The following CPA6 variants were observed in gnomAD, a reference collection of about 807,000 sequenced individuals.
CPA6 encodes the protein carboxypeptidase A6, also known as carboxypeptidase B.
Under a neutral mutation model 63.3 loss-of-function variants are expected in CPA6, and 58 were observed. That is an observed-to-expected ratio of 0.92 (90% CI 0.74 to 1.14). The LOEUF (loss-of-function observed/expected upper bound fraction) is 1.14. Among genes scored for constraint, CPA6 ranks in the 50% most tolerant of loss-of-function variants. CPA6 has a pLI of 0.00. For missense variants in CPA6, 565 were observed against 526.6 expected (o/e 1.07, Z -0.71); for synonymous variants, 185 against 179.0 (o/e 1.03, Z -0.27).
chr8:67,692,069 G>A (rs762313560), intron 1 of CPA6, among the ~76,000 whole-genome samples: 1 of 152,156 alleles, frequency 6.6e-6, no homozygotes, highest in Non-Finnish European at 1.5e-5. Flanking sequence ...GGGTATGGTG[G>A]TTCAAGCCTG....
At chr8:67,666,843 A>G (rs76699842) in intron 1 of CPA6, among the ~76,000 whole-genome samples, 1,787 of 152,234 alleles carry the variant, frequency 0.012, 30 homozygotes, top group African/African-American at 0.039. Context: ...GACACTCTCG[A>G]TCATTCTTGA....
chr8:67,535,355 C>T (rs574441156), intron 2 of CPA6, among the ~76,000 whole-genome samples: 142 of 152,304 alleles, frequency 9.3e-4, no homozygotes, highest in Non-Finnish European at 1.5e-3. Context: ...TCTCCACATC[C>T]TCTCCAGCAT....
At chr8:67,591,516 G>A (rs1357904600) in intron 2 of CPA6, among the ~76,000 whole-genome samples, 2 of 152,148 alleles carry the variant, frequency 1.3e-5, no homozygotes, top group East Asian at 3.8e-4. Flanking sequence ...TCCTACCCAC[G>A]AGCATGGAAT....
At chr8:67,648,145 G>A (rs1458270175) in intron 1 of CPA6, among the ~76,000 whole-genome samples, 1 of 152,002 alleles carries the variant, frequency 6.6e-6, no homozygotes, top group South Asian at 2.1e-4. Flanking sequence ...ATAAATTGAG[G>A]AGTCATCAAC....
intron 2 of CPA6, among the ~76,000 whole-genome samples, chr8:67,525,138 A>G (rs1235583774): frequency 1.3e-5 from 2 of 152,182 alleles, no homozygotes; most frequent in African/African-American, 4.8e-5. Context: ...TCTTCTGTGA[A>G]CCAAAGGTTC....
intron 10 of CPA6, 45 bp downstream of exon 10, chr8:67,428,002 G>T: frequency 1.6e-6 from 2 of 1,265,370 alleles, no homozygotes; most frequent in Non-Finnish European, 2.3e-6. Context: ...ACAGGATATT[G>T]GTTCAAGAGA....
chr8:67,578,030 A>G (rs1364474762), intron 2 of CPA6, among the ~76,000 whole-genome samples: 1 of 152,244 alleles, frequency 6.6e-6, no homozygotes, highest in Non-Finnish European at 1.5e-5. Flanking sequence ...TTTGAATTGC[A>G]TAACATTTTC....
At chr8:67,470,865 A>G (rs911877932) in intron 8 of CPA6, among the ~76,000 whole-genome samples, 1 of 152,196 alleles carries the variant, frequency 6.6e-6, no homozygotes, top group Non-Finnish European at 1.5e-5. Context: ...TATATTTTGA[A>G]AGCAATGCAT....
intron 8 of CPA6, chr8:67,483,524 T>A: frequency 1.8e-6 from 1 of 545,146 alleles, no homozygotes; most frequent in Admixed American, 3.2e-5. Context: ...CATATGTATT[T>A]AAATTTTCAG....
intron 8 of CPA6, among the ~76,000 whole-genome samples, chr8:67,442,530 T>C (rs1467472966): frequency 1.2e-4 from 19 of 152,190 alleles, no homozygotes; most frequent in Admixed American, 1.2e-3. Flanking sequence ...TAATTTCAGA[T>C]AGTAAGAACA....
chr8:67,555,900 G>A (rs1813049147), intron 2 of CPA6, among the ~76,000 whole-genome samples: 1 of 152,204 alleles, frequency 6.6e-6, no homozygotes. Context: ...TGAAATCCAA[G>A]TATTTCTGTT....
rs140442099 is a variant in CPA6, at chr8:67,629,749, C to A, written c.117-5498G>T. On this transcript the variant is annotated intron_variant, in intron 1 of 10. Coordinates refer to ENST00000297770, the MANE Select transcript of CPA6 (RefSeq NM_020361.5). The stretch of plus-strand genomic sequence containing the variant: ...AGTGGGTTTGCTGAGGGCTTTTGTA[C>A]TGCATCATTTATTGTCATGGCTTTG... Among the ~76,000 whole-genome samples, 546 of 152,198 alleles carry A rather than the reference C, an allele frequency of 3.6e-3. 3 individuals carry two copies. Among genetic ancestry groups the A allele is most frequent in the African/African-American group, 0.012 (503 of 41,514 alleles).
At chr8:67,573,886 C>G (rs1187187914) in intron 2 of CPA6, among the ~76,000 whole-genome samples, 2 of 85,826 alleles carry the variant, frequency 2.3e-5, no homozygotes, top group Non-Finnish European at 4.2e-5. Context: ...AGCAAGACTC[C>G]GTCTCAAAAA....
intron 1 of CPA6, among the ~76,000 whole-genome samples, chr8:67,717,078 A>T (rs1817398270): frequency 6.6e-6 from 1 of 152,216 alleles, no homozygotes; most frequent in Non-Finnish European, 1.5e-5. Flanking sequence ...ACAAAAAGGA[A>T]TTTCTTATTT....
intron 1 of CPA6, among the ~76,000 whole-genome samples, chr8:67,628,080 G>GTGT (rs1251443591): frequency 6.6e-6 from 1 of 152,112 alleles, no homozygotes; most frequent in Non-Finnish European, 1.5e-5. Context: ...GGGGGTGGTG[G>GTGT]TGTGTGCCTG....
intron 2 of CPA6, among the ~76,000 whole-genome samples, chr8:67,598,269 C>G (rs570616146): frequency 1.3e-5 from 2 of 152,268 alleles, no homozygotes; most frequent in African/African-American, 4.8e-5. Flanking sequence ...ATCTTTTGGA[C>G]TTTCACCCAG....
At chr8:67,657,620 C>G (rs557301114) in intron 1 of CPA6, among the ~76,000 whole-genome samples, 4 of 152,292 alleles carry the variant, frequency 2.6e-5, no homozygotes, top group South Asian at 4.1e-4. Flanking sequence ...TCCTGATAGG[C>G]CTTCAGCAAA....
rs554449310 is a variant in CPA6 at position 67,730,739 on chromosome 8, T to C, written c.116+15275A>G. Among the ~76,000 whole-genome samples, 1,216 of 152,182 alleles carry C rather than the reference T, an allele frequency of 8.0e-3. 19 individuals carry two copies. Among genetic ancestry groups the C allele is most frequent in the African/African-American group, 0.027 (1,140 of 41,550 alleles). On this transcript the variant is annotated intron_variant, in intron 1 of 10. Transcript: ENST00000297770. ...GCCAGAAAATGGGATGAAGACCAAA[T>C]ATATATGTTTCTACTATAAGAATAT...
rs150868247 is a variant in CPA6 at position 67,637,469 on chromosome 8, A to G, written c.117-13218T>C. Among the ~76,000 whole-genome samples the G allele has an allele frequency of 3.9e-3, 597 of 151,744 alleles. 34 individuals are homozygous for G. The highest frequency in any genetic ancestry group is 0.014 in the African/African-American group (554 of 41,022). On this transcript the variant is annotated intron_variant, in intron 1 of 10. Coordinates refer to ENST00000297770, the MANE Select transcript of CPA6 (RefSeq NM_020361.5). ...ATATATTGTGTGAAATCATTGTATC[A>G]CACTTCGATTTAGTTCTTTCTTGTT...
Sources: allele counts gnomAD v4.1 joint callset (sites outside exome capture counted in the v4.1 genomes callset), GRCh38; gene constraint gnomAD v4.1.1; transcripts MANE v1.5; gene names NCBI Gene and HGNC (gene_info 2026-07-23, HGNC 2026-07-21).